Variants in HTR6 observed in about 807,000 individuals in gnomAD.
HTR6 encodes the protein 5-hydroxytryptamine receptor 6.
A neutral mutation model predicts 17.4 loss-of-function variants in HTR6; 15 were observed. The observed-to-expected ratio is 0.86, with a 90% CI of 0.58 to 1.33. The LOEUF (loss-of-function observed/expected upper bound fraction) is 1.33. Among genes scored for constraint, HTR6 ranks in the 40% most tolerant of loss-of-function variants. HTR6 has a pLI of 0.00. For synonymous variants in HTR6, 326 were observed against 295.5 expected (o/e 1.10, Z -1.06); for missense variants, 578 against 616.0 (o/e 0.94, Z 0.65).
chr1:19,671,166 T>C (rs1257618295), intron 1 of HTR6, among the ~76,000 whole-genome samples: 6 of 152,102 alleles, frequency 3.9e-5, no homozygotes, highest in African/African-American at 1.4e-4. Flanking sequence ...CCAGCAAACA[T>C]TCAAAATCTA....
At chr1:19,672,667 A>C (rs545490554) in intron 1 of HTR6, among the ~76,000 whole-genome samples, 1 of 152,200 alleles carries the variant, frequency 6.6e-6, no homozygotes, top group East Asian at 1.9e-4. Flanking sequence ...GGGTCATGAC[A>C]TCTATCACAC....
intron 1 of HTR6, among the ~76,000 whole-genome samples, chr1:19,670,589 G>A (rs964337009): frequency 4.0e-5 from 6 of 151,400 alleles, no homozygotes; most frequent in African/African-American, 7.3e-5. Flanking sequence ...CTCAGCCTCC[G>A]GAGTAGCTGG....
Position 19,666,291 on chromosome 1 carries a change from T to TGGCGCCTGCTGGCCAGC in HTR6, c.539_540insGCGCCTGCTGGCCAGCG (p.Cys180TrpfsTer40). 6.2e-7 allele frequency: 1 copy of TGGCGCCTGCTGGCCAGC among 1,612,402 alleles called. No individual in the cohort carries two copies. The highest frequency in any genetic ancestry group is 8.5e-7 in the Non-Finnish European group (1 of 1,179,890). ...CGCACGGCCACCCGTCCCTGGCCAG[T>TGGCGCCTGCTGGCCAGC]GCCGCCTGCTGGCCAGCCTGCCTTT... On this transcript the variant is annotated frameshift_variant, in exon 1 of 3. Transcript: ENST00000289753. LOFTEE classifies it high-confidence loss of function. This position sits in a 1 kb window ranked among gnomAD's most constrained non-coding sequence, Gnocchi z 4.5.
At chr1:19,676,232 A>G (rs1405072994) in intron 1 of HTR6, among the ~76,000 whole-genome samples, 1 of 152,166 alleles carries the variant, frequency 6.6e-6, no homozygotes, top group East Asian at 1.9e-4. Flanking sequence ...CTTCACAGCG[A>G]CGCCGTAAGC....
intron 1 of HTR6, among the ~76,000 whole-genome samples, chr1:19,669,597 T>A (rs1437072141): frequency 6.6e-6 from 1 of 152,180 alleles, no homozygotes; most frequent in African/African-American, 2.4e-5. Context: ...CCTTTTCTTC[T>A]CTGTGCCTTC....
At position 19,678,582 on chromosome 1, in the gene HTR6, C is replaced by A. The variant is rs61751019; in HGVS notation, c.730C>A (p.Arg244Ser). 6.2e-7 allele frequency: 1 copy of A among 1,612,642 alleles called. No individual in the cohort carries two copies. The highest frequency in any genetic ancestry group is 1.7e-5 in the Admixed American group (1 of 60,020). Residue 244 changes from arginine to serine, a missense_variant, in exon 2 of 3, where the codon CGC (arginine) becomes AGC (serine). Transcript: ENST00000289753. ...SETLQVPRTPRPGVESADSRR... is the reference protein window; with the variant it reads ...SETLQVPRTPSPGVESADSRR... ...CTTTCCGCAGGTGCCCAGGACCCCA[C>A]GCCCAGGGGTGGAGTCTGCTGACAG...
In HTR6 at chr1:19,665,631, C is replaced by A; in HGVS notation, c.-123C>A. The A allele has an allele frequency of 1.5e-6, 1 of 671,092 alleles. No homozygotes were observed. Among genetic ancestry groups the A allele is most frequent in the South Asian group, 2.5e-5 (1 of 39,466 alleles). The allele number at this position is 671,092 out of a possible 1,614,324, so 41.6% of individuals were successfully genotyped here. On this transcript the variant is annotated 5_prime_UTR_variant, in exon 1 of 3. Transcript: ENST00000289753. This position sits in a 1 kb window ranked among gnomAD's most constrained non-coding sequence, Gnocchi z 4.2. The stretch of plus-strand genomic sequence containing the variant: ...CCCATGTCCCCCCACTCACCTCCCC[C>A]GGGGGGCGTGGTGAGTCGCGGTCTG...
In HTR6 at chr1:19,668,689, G is replaced by T. The variant is rs1005915160; in HGVS notation, c.714+2222G>T. ...TTCAGCCTCCCGAGTAGCTGGAATT[G>T]CAGGTGCATGCCCCCGTGCCTGGCA... is the stretch of plus-strand genomic sequence containing the variant. On this transcript the variant is annotated intron_variant, in intron 1 of 2. Transcript: ENST00000289753. Among the ~76,000 whole-genome samples, 95 of 152,158 alleles carry T rather than the reference G, an allele frequency of 6.2e-4. 5 individuals are homozygous for T. Among genetic ancestry groups the T allele is most frequent in the Admixed American group, 6.6e-5 (1 of 15,262 alleles).
intron 1 of HTR6, among the ~76,000 whole-genome samples, chr1:19,673,417 T>C (rs1055986680): frequency 1.3e-5 from 2 of 152,168 alleles, no homozygotes; most frequent in African/African-American, 4.8e-5. Flanking sequence ...GGTAACAAAA[T>C]TTAATTGTGG....
intron 1 of HTR6, among the ~76,000 whole-genome samples, chr1:19,667,194 C>T (rs913840753): frequency 6.6e-6 from 1 of 152,160 alleles, no homozygotes; most frequent in Non-Finnish European, 1.5e-5. Context: ...GGTCTTTGCA[C>T]TTGCTGTTCC....
rs779381409 is a variant in HTR6, at chr1:19,666,212, C to G, written c.459C>G (p.Leu153=). The G allele has an allele frequency of 1.9e-6, 3 of 1,609,136 alleles. No homozygotes were observed. Among genetic ancestry groups the G allele is most frequent in the Non-Finnish European group, 2.5e-6 (3 of 1,179,634 alleles). The part of the protein sequence containing the change: ...ALALVLGAWS[L]AALASFLPLL... ...CCCTAGTCCTGGGCGCCTGGAGCCTCGCCGCTCTCGCCTCCTTCCTGCCCC... is the reference window on the plus strand; with the variant it reads ...CCCTAGTCCTGGGCGCCTGGAGCCTGGCCGCTCTCGCCTCCTTCCTGCCCC... Residue 153 remains leucine, a synonymous_variant, in exon 1 of 3, where the codon CTC becomes CTG. Coordinates refer to ENST00000289753, the MANE Select transcript of HTR6 (RefSeq NM_000871.3). The surrounding 1 kb of genome is among the most constrained non-coding windows in gnomAD (Gnocchi z 4.5).
intron 1 of HTR6, among the ~76,000 whole-genome samples, chr1:19,673,729 A>G (rs2095090998): frequency 6.6e-6 from 1 of 152,212 alleles, no homozygotes. Flanking sequence ...AATAAAATTA[A>G]TTGCACAAAG....
chr1:19,678,870 G>T, intron 2 of HTR6, 49 bp from the exon 3 acceptor site: 1 of 1,560,930 alleles, frequency 6.4e-7, no homozygotes, highest in Non-Finnish European at 8.7e-7. Context: ...GGGAAGGGTG[G>T]CCTGGGTCCC....
intron 1 of HTR6, among the ~76,000 whole-genome samples, chr1:19,671,157 C>T (rs2095087531): frequency 1.3e-5 from 2 of 152,094 alleles, no homozygotes; most frequent in African/African-American, 4.8e-5. Flanking sequence ...ATGCTTCACC[C>T]AGCAAACATT....
chr1:19,675,266 T>A (rs2095092932), intron 1 of HTR6, among the ~76,000 whole-genome samples: 1 of 152,198 alleles, frequency 6.6e-6, no homozygotes, highest in African/African-American at 2.4e-5. Context: ...GGGATGACAA[T>A]GCCTACCTCT....
At chr1:19,670,575 C>T (rs781140002) in intron 1 of HTR6, among the ~76,000 whole-genome samples, 1 of 151,814 alleles carries the variant, frequency 6.6e-6, no homozygotes, top group Non-Finnish European at 1.5e-5. Context: ...AGCAATTCTC[C>T]TGCCTCAGCC....
chr1:19,679,494 G>C lies in HTR6; in HGVS notation c.*126G>C. On this transcript the variant is annotated 3_prime_UTR_variant, in exon 3 of 3. Coordinates refer to ENST00000289753, the MANE Select transcript of HTR6 (RefSeq NM_000871.3). The surrounding 1 kb of genome is among the most constrained non-coding windows in gnomAD (Gnocchi z 4.9). Reference sequence around the variant, plus strand: ...CTAGAAGCCCTCTGAGCTCCAGAGGGGTGCGCAGAGCTGACCCCCTGCTGC... The same window carrying C: ...CTAGAAGCCCTCTGAGCTCCAGAGGCGTGCGCAGAGCTGACCCCCTGCTGC... 1 of 1,376,786 alleles carries C rather than the reference G, an allele frequency of 7.3e-7. No homozygotes were observed. The highest frequency in any genetic ancestry group is 1.5e-5 in the South Asian group (1 of 65,096). 85.3% of individuals were successfully genotyped at this position (1,376,786 alleles called of 1,614,324 possible). A position where few individuals can be genotyped will look rare whatever the true frequency, so the allele number is the denominator to read the frequency against.
intron 1 of HTR6, among the ~76,000 whole-genome samples, chr1:19,677,818 C>T (rs1459266322): frequency 6.6e-6 from 1 of 152,242 alleles, no homozygotes; most frequent in Non-Finnish European, 1.5e-5. Flanking sequence ...TGGCACACTG[C>T]AACCTCCACC....
Position 19,678,580 on chromosome 1 carries a change from C to A in HTR6, c.728C>A (p.Pro243Gln). The change falls in exon 2 of 3, where the codon CCA (proline) becomes CAA (glutamine). Residue 243 changes from proline to glutamine, a missense_variant. Pro to Gln is a moderately conservative substitution (Grantham distance 76). Transcript: ENST00000289753. ...TCCTTTCCGCAGGTGCCCAGGACCCCACGCCCAGGGGTGGAGTCTGCTGAC... is the reference window on the plus strand; with the variant it reads ...TCCTTTCCGCAGGTGCCCAGGACCCAACGCCCAGGGGTGGAGTCTGCTGAC... ...ASETLQVPRT[P>Q]RPGVESADSR... The A allele has an allele frequency of 6.2e-7, 1 of 1,612,612 alleles. No homozygotes were observed. The highest frequency in any genetic ancestry group is 1.1e-5 in the South Asian group (1 of 91,010).
Sources: allele counts gnomAD v4.1 joint callset (sites outside exome capture counted in the v4.1 genomes callset), GRCh38; gene constraint gnomAD v4.1.1; non-coding constraint Gnocchi (gnomAD v3.1); transcripts MANE v1.5; gene names NCBI Gene and HGNC (gene_info 2026-07-23, HGNC 2026-07-21).